DCAF17: variants seen among roughly 807,000 people sequenced by gnomAD.
The protein encoded by DCAF17 is DDB1 and CUL4 associated factor 17.
In DCAF17, 48 loss-of-function variants were observed where a neutral mutation model predicts 66.0. The observed-to-expected ratio is 0.73, with a 90% CI of 0.58 to 0.92. DCAF17 has a LOEUF of 0.92. DCAF17 is among the 40% of genes least tolerant of loss of function. The pLI is 0.00. For synonymous variants in DCAF17, 206 were observed against 214.6 expected, an observed-to-expected ratio of 0.96 and a Z score of 0.35; for missense variants, 562 against 622.8, an observed-to-expected ratio of 0.90 and a Z score of 1.04.
intron 5 of DCAF17, among the ~76,000 whole-genome samples, chr2:171,452,758 C>G (rs1695029201): frequency 6.6e-6 from 1 of 152,240 alleles, no homozygotes; most frequent in Non-Finnish European, 1.5e-5. Context: ...GCTACCTGAT[C>G]CAGCAGCTTT....
At chr2:171,452,875 T>A (rs563343046) in intron 5 of DCAF17, among the ~76,000 whole-genome samples, 1 of 152,370 alleles carries the variant, frequency 6.6e-6, no homozygotes, top group South Asian at 2.1e-4. Context: ...AAGAAATGTT[T>A]ACTTTTATGG....
Position 171,481,676 on chromosome 2 carries a change from T to C in DCAF17, c.*562T>C. 2.2e-6 allele frequency: 1 copy of C among 453,530 alleles called. No homozygotes were observed. The highest frequency in any genetic ancestry group is 1.6e-5 in the South Asian group (1 of 64,318). The allele number at this position is 453,530 out of a possible 1,614,324, so 28.1% of individuals were successfully genotyped here. A position where few individuals can be genotyped will look rare whatever the true frequency, so the allele number is the denominator to read the frequency against. On this transcript the variant is annotated 3_prime_UTR_variant, in exon 14 of 14. Coordinates refer to ENST00000375255, the MANE Select transcript of DCAF17 (RefSeq NM_025000.4). Reference sequence around the variant, plus strand: ...TTTATATGTGTTTCGTATTTGTATATAGTATCAGGAATTGGTTCTAGTTCC... The same window carrying C: ...TTTATATGTGTTTCGTATTTGTATACAGTATCAGGAATTGGTTCTAGTTCC...
Position 171,480,077 on chromosome 2 carries a change from C to G in DCAF17, c.1306C>G (p.Leu436Val). 2 of 1,613,722 alleles carry G rather than the reference C, an allele frequency of 1.2e-6. No individual in the cohort carries two copies. The highest frequency in any genetic ancestry group is 1.7e-6 in the Non-Finnish European group (2 of 1,179,750). Residue 436 changes from leucine (L) to valine (V), a missense_variant, in exon 13 of 14, where the codon CTT becomes GTT. Coordinates refer to ENST00000375255, the MANE Select transcript of DCAF17 (RefSeq NM_025000.4). ...GGACTATGAAGATGAGTTAGATTTG[C>G]TTTCTGTGGTAGCTGTTACTCAAAT... is the stretch of plus-strand genomic sequence containing the variant. The part of the protein sequence containing the change: ...IVDYEDELDL[L>V]SVVAVTQIDA...
chr2:171,452,993 T>G lies in DCAF17; in HGVS notation c.538-131T>G, dbSNP rs567432616. 46 of 562,046 alleles carry G rather than the reference T, an allele frequency of 8.2e-5. No homozygotes were observed. The South Asian group carries it at 1.6e-3, about 19-fold the overall frequency. 34.8% of individuals were successfully genotyped at this position (562,046 alleles called of 1,614,324 possible). A position where few individuals can be genotyped will look rare whatever the true frequency, so the allele number is the denominator to read the frequency against. On this transcript the variant is annotated intron_variant, in intron 5 of 13. Coordinates refer to ENST00000375255, the MANE Select transcript of DCAF17 (RefSeq NM_025000.4). Reference sequence around the variant, plus strand: ...TAAGTAACTTTGCAATCTAGATAGATGGTTGTTTTCATAATATGAAAATGT... The same window carrying G: ...TAAGTAACTTTGCAATCTAGATAGAGGGTTGTTTTCATAATATGAAAATGT...
chr2:171,483,298 T>C lies in DCAF17; in HGVS notation c.*2184T>C, dbSNP rs1328891688. 1 of 454,090 alleles carries C rather than the reference T, an allele frequency of 2.2e-6. No homozygotes were observed. Among genetic ancestry groups the C allele is most frequent in the South Asian group, 1.6e-5 (1 of 64,476 alleles). The allele number at this position is 454,090 out of a possible 1,614,324, so 28.1% of individuals were successfully genotyped here. A position where few individuals can be genotyped will look rare whatever the true frequency, so the allele number is the denominator to read the frequency against. On this transcript the variant is annotated 3_prime_UTR_variant, in exon 14 of 14. Coordinates refer to ENST00000375255, the MANE Select transcript of DCAF17 (RefSeq NM_025000.4). ...AGACTCTAGCTACATGCCCACCTAC[T>C]TAACAGGTACTAGTGACAGGTACAA... is the stretch of plus-strand genomic sequence containing the variant.
In DCAF17 at chr2:171,448,957, C is replaced by T. The variant is rs190254451; in HGVS notation, c.458+140C>T. ...ATTAATAAACCTATTTTCTTTTTCTCCCCTCATGACTACATTTAGAGGTCT... is the reference window on the plus strand; with the variant it reads ...ATTAATAAACCTATTTTCTTTTTCTTCCCTCATGACTACATTTAGAGGTCT... On this transcript the variant is annotated intron_variant, in intron 4 of 13. Transcript: ENST00000375255. 2.5e-4 allele frequency: 184 copies of T among 728,356 alleles called. 2 individuals carry two copies. In the East Asian group the frequency reaches 4.8e-3, roughly 19 times the overall value. The allele number at this position is 728,356 out of a possible 1,614,324, so 45.1% of individuals were successfully genotyped here. A position where few individuals can be genotyped will look rare whatever the true frequency, so the allele number is the denominator to read the frequency against.
rs1009643086 is a variant in DCAF17, at chr2:171,482,759, T to G, written c.*1645T>G. The G allele has an allele frequency of 8.8e-6, 4 of 453,790 alleles. No homozygotes were observed. The highest frequency in any genetic ancestry group is 1.8e-5 in the Non-Finnish European group (4 of 226,690). 28.1% of individuals were successfully genotyped at this position (453,790 alleles called of 1,614,324 possible). On this transcript the variant is annotated 3_prime_UTR_variant, in exon 14 of 14. Coordinates refer to ENST00000375255, the MANE Select transcript of DCAF17 (RefSeq NM_025000.4). ...ATGATAGTAAGGAACTCGTCTATTC[T>G]GAAAGGCATTTGAGAAATAGCTGAA...
At position 171,482,456 on chromosome 2, in the gene DCAF17, A is replaced by G. The variant is rs968652902; in HGVS notation, c.*1342A>G. 19 of 453,920 alleles carry G rather than the reference A, an allele frequency of 4.2e-5. No homozygotes were observed. In the Admixed American group the frequency reaches 4.2e-4, roughly 10 times the overall value. 28.1% of individuals were successfully genotyped at this position (453,920 alleles called of 1,614,324 possible). On this transcript the variant is annotated 3_prime_UTR_variant, in exon 14 of 14. Transcript: ENST00000375255. Reference sequence around the variant, plus strand: ...TGCTAGACATTGCCCCATACTTTCAATTAGACACTAGCTGTATCTAAATAG... The same window carrying G: ...TGCTAGACATTGCCCCATACTTTCAGTTAGACACTAGCTGTATCTAAATAG...
chr2:171,440,484 A>T (rs1694244285), intron 2 of DCAF17, among the ~76,000 whole-genome samples: 1 of 152,132 alleles, frequency 6.6e-6, no homozygotes, highest in Admixed American at 6.5e-5. Context: ...ATGAGGTGGG[A>T]GGATCGCTTG....
Position 171,483,488 on chromosome 2 carries a change from TC to T in DCAF17, c.*2376del, listed in dbSNP as rs1449671333. 6.6e-6 allele frequency: 3 copies of T among 453,976 alleles called. No homozygotes were observed. In the East Asian group the frequency reaches 2.1e-4, roughly 32 times the overall value. 28.1% of individuals were successfully genotyped at this position (453,976 alleles called of 1,614,324 possible). The stretch of plus-strand genomic sequence containing the variant: ...AGCATCAATGCAGCAAGCTTATTGT[TC>T]CTCAATTTTTTACAATATTTATCAC... On this transcript the variant is annotated 3_prime_UTR_variant, in exon 14 of 14. Transcript: ENST00000375255.
chr2:171,460,272 G>A (rs184848610), intron 8 of DCAF17, among the ~76,000 whole-genome samples: 24 of 147,868 alleles, frequency 1.6e-4, no homozygotes, highest in Admixed American at 5.5e-4. Flanking sequence ...GCAGTGAGCC[G>A]AGATCGTGCC....
chr2:171,459,980 T>C (rs17220657), intron 8 of DCAF17, among the ~76,000 whole-genome samples: 30,683 of 152,050 alleles, frequency 0.2, 3,238 homozygotes, highest in South Asian at 0.28. Flanking sequence ...TGGGTTATTT[T>C]GGACAGAGTT....
Position 171,482,581 on chromosome 2 carries a change from G to C in DCAF17, c.*1467G>C, listed in dbSNP as rs1356654672. On this transcript the variant is annotated 3_prime_UTR_variant, in exon 14 of 14. Transcript: ENST00000375255. ...ATGTTGTGTGAGTTTCAAAGCAGCT[G>C]CAATGCTGTGTAAAAGTAGAGTGTT... 4.4e-6 allele frequency: 2 copies of C among 453,956 alleles called. No individual in the cohort carries two copies. The highest frequency in any genetic ancestry group is 4.0e-5 in the African/African-American group (2 of 49,998). The allele number at this position is 453,956 out of a possible 1,614,324, so 28.1% of individuals were successfully genotyped here.
Position 171,482,218 on chromosome 2 carries a change from C to T in DCAF17, c.*1104C>T, listed in dbSNP as rs933140491. ...GAGAAATTCAGTTGCTTCCATTTCG[C>T]ATGTTCTGCACATTTATCCGATGTA... On this transcript the variant is annotated 3_prime_UTR_variant, in exon 14 of 14. Coordinates refer to ENST00000375255, the MANE Select transcript of DCAF17 (RefSeq NM_025000.4). 2.2e-6 allele frequency: 1 copy of T among 453,612 alleles called. No homozygotes were observed. The highest frequency in any genetic ancestry group is 2.0e-5 in the African/African-American group (1 of 49,998). 28.1% of individuals were successfully genotyped at this position (453,612 alleles called of 1,614,324 possible).
intron 12 of DCAF17, chr2:171,479,641 G>A (rs983932657): frequency 8.6e-5 from 18 of 208,308 alleles, no homozygotes; most frequent in Non-Finnish European, 6.8e-5. Flanking sequence ...AGCTCAGTGA[G>A]CAGTCTTTAG....
chr2:171,473,954 A>G lies in DCAF17; in HGVS notation c.1070A>G (p.His357Arg). ...FHPDASGRII[H>R]VGPNQVKVLK... The stretch of plus-strand genomic sequence containing the variant: ...CCTGATGCTTCTGGTAGAATAATAC[A>G]TGTTGGTCCAAATCAAGTCAAGTGA... Residue 357 changes from histidine to arginine, a missense_variant, in exon 10 of 14, where the codon CAT (histidine) becomes CGT (arginine). Coordinates refer to ENST00000375255, the MANE Select transcript of DCAF17 (RefSeq NM_025000.4). The G allele has an allele frequency of 6.2e-7, 1 of 1,613,624 alleles. No individual in the cohort carries two copies. The highest frequency in any genetic ancestry group is 8.5e-7 in the Non-Finnish European group (1 of 1,179,678).
rs1476896014 is a variant in DCAF17 at position 171,483,398 on chromosome 2, G to A, written c.*2284G>A. On this transcript the variant is annotated 3_prime_UTR_variant, in exon 14 of 14. Coordinates refer to ENST00000375255, the MANE Select transcript of DCAF17 (RefSeq NM_025000.4). ...AGGGTAGCTTCCATCAGCAGGTACA[G>A]ACGTTACGCTGAAAAGAGGTGCATT... 6.6e-6 allele frequency: 3 copies of A among 454,006 alleles called. No homozygotes were observed. The highest frequency in any genetic ancestry group is 3.1e-5 in the South Asian group (2 of 64,480). 28.1% of individuals were successfully genotyped at this position (454,006 alleles called of 1,614,324 possible).
Position 171,434,468 on chromosome 2 carries a change from C to T in DCAF17, c.-110C>T. On this transcript the variant is annotated 5_prime_UTR_variant, in exon 1 of 14. Transcript: ENST00000375255. ...CCGTGTCAGCTTTCCCTGGGCCCCG[C>T]CGGGAAAGTCTGGGCCTCGAAATTC... is the stretch of plus-strand genomic sequence containing the variant. 6.6e-7 allele frequency: 1 copy of T among 1,511,252 alleles called. No homozygotes were observed. 93.6% of individuals were successfully genotyped at this position (1,511,252 alleles called of 1,614,324 possible).
At position 171,449,866 on chromosome 2, in the gene DCAF17, A is replaced by G. The variant is rs113215140; in HGVS notation, c.459-13A>G. ...GACCCAAATAAATAAACTTCTCTTC[A>G]TTCTTTTAAAAGATACTTGAGCTGG... On this transcript the variant is annotated splice_polypyrimidine_tract_variant and intron_variant, in intron 4 of 13. Transcript: ENST00000375255. 6 of 1,609,268 alleles carry G rather than the reference A, an allele frequency of 3.7e-6. No homozygotes were observed. The highest frequency in any genetic ancestry group is 5.1e-6 in the Non-Finnish European group (6 of 1,176,616).
Sources: gnomAD v4.1 joint callset for allele counts (sites outside exome capture counted in the v4.1 genomes callset) on GRCh38, gnomAD v4.1.1 for gene constraint, MANE v1.5 for transcripts, NCBI Gene and HGNC (gene_info 2026-07-23, HGNC 2026-07-21) for gene names.